The following KIAA1958 variants were observed in gnomAD, a reference collection of about 807,000 sequenced individuals.
KIAA1958 encodes uncharacterized protein KIAA1958.
In KIAA1958, 14 loss-of-function variants were observed where a neutral mutation model predicts 47.2. The observed-to-expected ratio is 0.30, with a 90% CI of 0.20 to 0.46. The LOEUF (loss-of-function observed/expected upper bound fraction) is 0.46. Ranked by LOEUF, KIAA1958 falls within the 20% of genes least tolerant of loss-of-function variation. KIAA1958 has a pLI of 1.00. For missense variants in KIAA1958, 803 were observed against 909.2 expected, an observed-to-expected ratio of 0.88 and a Z score of 1.50; for synonymous variants, 354 against 353.3, an observed-to-expected ratio of 1.00 and a Z score of -0.02.
At chr9:112,599,763 T>C (rs1418402758) in intron 2 of KIAA1958, among the ~76,000 whole-genome samples, 1 of 152,238 alleles carries the variant, frequency 6.6e-6, no homozygotes, top group Admixed American at 6.5e-5. Context: ...TTGTATATGA[T>C]GTCTTGTATA....
chr9:112,489,411 C>T (rs4434682), intron 1 of KIAA1958, among the ~76,000 whole-genome samples: 5 of 151,866 alleles, frequency 3.3e-5, no homozygotes, highest in African/African-American at 9.7e-5. Context: ...TTTCTGAGAT[C>T]ATCAATGTAG....
intron 2 of KIAA1958, chr9:112,582,656 T>TA (rs1194530562): frequency 6.0e-5 from 9 of 150,330 alleles, no homozygotes; most frequent in African/African-American, 2.0e-4. Context: ...GAGGATCAGA[T>TA]AGAGTGGCAT....
intron 2 of KIAA1958, among the ~76,000 whole-genome samples, chr9:112,576,388 T>C (rs62568622): frequency 0.11 from 17,021 of 152,218 alleles, 1,384 homozygotes; most frequent in East Asian, 0.2. Context: ...AATTCACTCT[T>C]TTAAAGTGTA....
chr9:112,529,859 T>C (rs1486424653), intron 1 of KIAA1958, among the ~76,000 whole-genome samples: 1 of 152,110 alleles, frequency 6.6e-6, no homozygotes, highest in Non-Finnish European at 1.5e-5. Context: ...TTTTTCTTTT[T>C]TTGAGACAGA....
At chr9:112,511,031 G>A (rs1330462952) in intron 1 of KIAA1958, among the ~76,000 whole-genome samples, 1 of 152,038 alleles carries the variant, frequency 6.6e-6, no homozygotes, top group Non-Finnish European at 1.5e-5. Flanking sequence ...AAGAGAGGTA[G>A]GCAGGTAGAG....
chr9:112,573,375 G>A (rs114878087), intron 1 of KIAA1958, among the ~76,000 whole-genome samples: 1,615 of 152,204 alleles, frequency 0.011, 36 homozygotes, highest in African/African-American at 0.036. Context: ...AGGGCCTCCC[G>A]CTTCCCCATC....
At chr9:112,629,702 T>C (rs1404752191) in intron 2 of KIAA1958, among the ~76,000 whole-genome samples, 1 of 152,262 alleles carries the variant, frequency 6.6e-6, no homozygotes, top group Non-Finnish European at 1.5e-5. Context: ...GTTTTATGTC[T>C]AGTTTATTCC....
chr9:112,604,580 A>G (rs1046641491), intron 2 of KIAA1958, among the ~76,000 whole-genome samples: 10 of 152,194 alleles, frequency 6.6e-5, no homozygotes, highest in African/African-American at 2.4e-4. Flanking sequence ...GCAAAACCAA[A>G]CTAGTGATGC....
At chr9:112,498,185 A>G (rs186870604) in intron 1 of KIAA1958, among the ~76,000 whole-genome samples, 40 of 152,322 alleles carry the variant, frequency 2.6e-4, no homozygotes, top group Middle Eastern at 6.8e-3. Flanking sequence ...GGAGTTCTAC[A>G]TTAGTGAATT....
chr9:112,597,638 T>G (rs1375458359), intron 2 of KIAA1958, among the ~76,000 whole-genome samples: 1 of 152,144 alleles, frequency 6.6e-6, no homozygotes, highest in East Asian at 1.9e-4. Context: ...AATCTCTAAC[T>G]CCTTCGTTAG....
intron 3 of KIAA1958, among the ~76,000 whole-genome samples, chr9:112,656,747 C>T (rs1393549291): frequency 6.6e-6 from 1 of 152,142 alleles, no homozygotes; most frequent in African/African-American, 2.4e-5. Context: ...CTTTGACAAT[C>T]ATTTCACACT....
intron 1 of KIAA1958, among the ~76,000 whole-genome samples, chr9:112,517,790 C>A (rs1355350371): frequency 6.6e-6 from 1 of 152,096 alleles, no homozygotes. Flanking sequence ...TTTGAACAGA[C>A]CCAAGAAGAT....
intron 1 of KIAA1958, among the ~76,000 whole-genome samples, chr9:112,505,480 G>C (rs1834218997): frequency 6.6e-6 from 1 of 152,176 alleles, no homozygotes; most frequent in African/African-American, 2.4e-5. Flanking sequence ...CTAGAAGAGA[G>C]TATATTTGAA....
Position 112,624,956 on chromosome 9 carries a change from C to T in KIAA1958, c.1172-20694C>T, listed in dbSNP as rs1383515294. Among the ~76,000 whole-genome samples the T allele has an allele frequency of 1.4e-4, 22 of 151,952 alleles. 1 individual carries two copies. The highest frequency in any genetic ancestry group is 1.4e-3 in the Admixed American group (22 of 15,230). ...CCTCATGTAGGTAGGGAGTGGGGAG[C>T]GCAAGAAGATAGAAATAGCCAAGAG... On this transcript the variant is annotated intron_variant, in intron 2 of 3. Transcript: ENST00000337530.
intron 1 of KIAA1958, among the ~76,000 whole-genome samples, chr9:112,500,191 T>C (rs1024930271): frequency 6.6e-6 from 1 of 151,706 alleles, no homozygotes; most frequent in Non-Finnish European, 1.5e-5. Flanking sequence ...AACCTTCACC[T>C]CCTGGTTCCA....
chr9:112,521,119 A>G (rs564301969), intron 1 of KIAA1958, among the ~76,000 whole-genome samples: 1 of 152,260 alleles, frequency 6.6e-6, no homozygotes, highest in East Asian at 1.9e-4. Context: ...ATGTAAGACA[A>G]TCCGTCTTCC....
At chr9:112,635,103 A>G (rs571179207) in intron 2 of KIAA1958, among the ~76,000 whole-genome samples, 1 of 152,292 alleles carries the variant, frequency 6.6e-6, no homozygotes, top group East Asian at 1.9e-4. Context: ...GCAGTCCTAT[A>G]AAAGAAGTGA....
intron 1 of KIAA1958, among the ~76,000 whole-genome samples, chr9:112,539,528 G>A (rs1318441885): frequency 6.6e-6 from 1 of 151,998 alleles, no homozygotes; most frequent in East Asian, 1.9e-4. Context: ...AGTGGGGTTG[G>A]GAGGGGGTAA....
In KIAA1958 at chr9:112,666,281, C is replaced by T. The variant is rs532459383; in HGVS notation, c.*6212C>T. 2.6e-5 allele frequency: 4 copies of T among 152,028 alleles called. No homozygotes were observed. Among genetic ancestry groups the T allele is most frequent in the South Asian group, 4.1e-4 (2 of 4,826 alleles). The allele number at this position is 152,028 out of a possible 1,614,324, so 9.4% of individuals were successfully genotyped here. A position where few individuals can be genotyped will look rare whatever the true frequency, so the allele number is the denominator to read the frequency against. ...CGTTTTCTGTTCTTTTTTCCTTTATCGGGGCATATTTATTTTCTCTTTGGA... is the reference window on the plus strand; with the variant it reads ...CGTTTTCTGTTCTTTTTTCCTTTATTGGGGCATATTTATTTTCTCTTTGGA... On this transcript the variant is annotated 3_prime_UTR_variant, in exon 4 of 4. Coordinates refer to ENST00000337530, the MANE Select transcript of KIAA1958 (RefSeq NM_133465.4).
Sources: allele counts gnomAD v4.1 joint callset (sites outside exome capture counted in the v4.1 genomes callset), GRCh38; gene constraint gnomAD v4.1.1; transcripts MANE v1.5; gene names NCBI Gene and HGNC (gene_info 2026-07-23, HGNC 2026-07-21).